ZC3H8: variants seen among roughly 807,000 people sequenced by gnomAD.
The protein encoded by ZC3H8 is zinc finger CCCH domain-containing protein 8.
In ZC3H8, 27 loss-of-function variants were observed where a neutral mutation model predicts 42.5. The observed-to-expected ratio is 0.64, with a 90% CI of 0.47 to 0.88. ZC3H8 has a LOEUF of 0.88. ZC3H8 is among the 40% of genes least tolerant of loss of function. The pLI is 0.00. For synonymous variants in ZC3H8, 101 were observed against 110.1 expected, an observed-to-expected ratio of 0.92 and a Z score of 0.52; for missense variants, 277 against 336.1, an observed-to-expected ratio of 0.82 and a Z score of 1.37.
chr2:112,234,475 T>C (rs1351693708), intron 4 of ZC3H8, among the ~76,000 whole-genome samples: 4 of 152,230 alleles, frequency 2.6e-5, no homozygotes, highest in African/African-American at 9.6e-5. Context: ...TTATGATACA[T>C]TGCCTTTATT....
At chr2:112,245,853 T>C (rs1428084252) in intron 2 of ZC3H8, among the ~76,000 whole-genome samples, 2 of 152,194 alleles carry the variant, frequency 1.3e-5, no homozygotes, top group East Asian at 3.8e-4. Context: ...CTTCAAAGAA[T>C]ACCCTGACTT....
At chr2:112,222,561 CA>C (rs151065603) in intron 8 of ZC3H8, among the ~76,000 whole-genome samples, 1 of 152,282 alleles carries the variant, frequency 6.6e-6, no homozygotes, top group African/African-American at 2.4e-5. Context: ...ATTTCACTTA[CA>C]TGAGATACCT....
At chr2:112,230,153 T>C (rs1235286163) in intron 8 of ZC3H8, among the ~76,000 whole-genome samples, 2 of 152,202 alleles carry the variant, frequency 1.3e-5, no homozygotes, top group African/African-American at 4.8e-5. Flanking sequence ...CTGCACTTCA[T>C]GCAAATTAAG....
chr2:112,230,546 A>G (rs145341103), intron 8 of ZC3H8, among the ~76,000 whole-genome samples: 39 of 152,322 alleles, frequency 2.6e-4, no homozygotes, highest in Non-Finnish European at 4.4e-4. Context: ...ACACGAATGA[A>G]TAATGTTGGG....
chr2:112,223,178 A>G (rs187653181), intron 8 of ZC3H8, among the ~76,000 whole-genome samples: 1 of 152,292 alleles, frequency 6.6e-6, no homozygotes, highest in Admixed American at 6.5e-5. Flanking sequence ...TAACAGGTGC[A>G]GCACACCAAC....
rs997055744 is a variant in ZC3H8 at position 112,214,371 on chromosome 2, A to G, written c.*2113T>C. Reference sequence around the variant, plus strand: ...TTAAAGACGGTCAAGGATAAATTCAATAGAGCCATGATAACCATGCTGGCC... The same window carrying G: ...TTAAAGACGGTCAAGGATAAATTCAGTAGAGCCATGATAACCATGCTGGCC... On this transcript the variant is annotated 3_prime_UTR_variant, in exon 9 of 9. Transcript: ENST00000409573. 1.3e-5 allele frequency: 2 copies of G among 152,176 alleles called. No homozygotes were observed. Among genetic ancestry groups the G allele is most frequent in the African/African-American group, 2.4e-5 (1 of 41,414 alleles). 9.4% of individuals were successfully genotyped at this position (152,176 alleles called of 1,614,324 possible). A position where few individuals can be genotyped will look rare whatever the true frequency, so the allele number is the denominator to read the frequency against.
At chr2:112,254,784 G>T in intron 1 of ZC3H8, 124 bp downstream of exon 1, 1 of 1,147,088 alleles carries the variant, frequency 8.7e-7, no homozygotes, top group Non-Finnish European at 1.2e-6. Context: ...CGGCCCACGT[G>T]CTCCCCACGG....
rs1166711844 is a variant in ZC3H8, at chr2:112,213,775, CAAAAAAAAAAAAAAAAAAA to C, written c.*2690_*2708del. The C allele has an allele frequency of 4.2e-4, 10 of 24,076 alleles. No individual in the cohort carries two copies. The East Asian group carries it at 8.4e-3, about 20-fold the overall frequency. 1.5% of individuals were successfully genotyped at this position (24,076 alleles called of 1,614,324 possible). The stretch of plus-strand genomic sequence containing the variant: ...TGGGCGACAGAGCGAGACTCCGTCT[CAAAAAAAAAAAAAAAAAAA>C]AAAAAAAAAAAAAAAAATTTAGTTC... On this transcript the variant is annotated 3_prime_UTR_variant, in exon 9 of 9. Transcript: ENST00000409573.
At chr2:112,234,961 G>A (rs1003992583) in intron 4 of ZC3H8, among the ~76,000 whole-genome samples, 2 of 152,192 alleles carry the variant, frequency 1.3e-5, no homozygotes, top group South Asian at 2.1e-4. Flanking sequence ...CTGGGTGTGA[G>A]TTGAGCACAC....
intron 8 of ZC3H8, 140 bp downstream of exon 8, chr2:112,230,763 T>TATC: frequency 2.1e-6 from 1 of 486,568 alleles, no homozygotes; most frequent in Non-Finnish European, 3.3e-6. Context: ...TATGTAAATA[T>TATC]ATCAAATATT....
chr2:112,234,500 G>A (rs1428708815), intron 4 of ZC3H8, among the ~76,000 whole-genome samples: 2 of 152,082 alleles, frequency 1.3e-5, no homozygotes, highest in South Asian at 4.1e-4. Context: ...AAAAATGAAT[G>A]AAAAAAATTT....
chr2:112,254,903 A>C lies in ZC3H8; in HGVS notation c.74+5T>G, dbSNP rs1207313617. 2 of 1,613,030 alleles carry C rather than the reference A, an allele frequency of 1.2e-6. No homozygotes were observed. The highest frequency in any genetic ancestry group is 2.2e-5 in the East Asian group (1 of 44,876). ...CATTCAAAAGATGAAAAGATATGGGATCACCTTTCGTCAGAGTCCGTGGCC... is the reference window on the plus strand; with the variant it reads ...CATTCAAAAGATGAAAAGATATGGGCTCACCTTTCGTCAGAGTCCGTGGCC... On this transcript the variant is annotated splice_donor_5th_base_variant and intron_variant, in intron 1 of 8. Coordinates refer to ENST00000409573, the MANE Select transcript of ZC3H8 (RefSeq NM_032494.3).
In ZC3H8 at chr2:112,230,811, T is replaced by C. The variant is rs899037563; in HGVS notation, c.*15+92A>G. ...TTTAGTGGCGGAGGAAGAAGAAAAA[T>C]ACTTCTATTTGAGAACCCTATTGAG... is the stretch of plus-strand genomic sequence containing the variant. On this transcript the variant is annotated intron_variant, in intron 8 of 8. Coordinates refer to ENST00000409573, the MANE Select transcript of ZC3H8 (RefSeq NM_032494.3). 2.2e-5 allele frequency: 17 copies of C among 777,452 alleles called. No homozygotes were observed. In the African/African-American group the frequency reaches 3.0e-4, roughly 14 times the overall value. 48.2% of individuals were successfully genotyped at this position (777,452 alleles called of 1,614,324 possible).
intron 5 of ZC3H8, among the ~76,000 whole-genome samples, chr2:112,233,738 T>C (rs768649998): frequency 6.6e-6 from 1 of 151,982 alleles, no homozygotes; most frequent in Non-Finnish European, 1.5e-5. Flanking sequence ...GTGTGGTGGC[T>C]AGCGTCTGTA....
rs1685172381 is a variant in ZC3H8, at chr2:112,233,304, A to C, written c.689T>G (p.Val230Gly). The C allele has an allele frequency of 6.2e-7, 1 of 1,601,972 alleles. No individual in the cohort carries two copies. The change falls in exon 6 of 9, where the codon GTA becomes GGA. Residue 230 changes from valine (V) to glycine (G), a missense_variant. Physicochemically the swap from Val to Gly is moderately radical, Grantham distance 109. Coordinates refer to ENST00000409573, the MANE Select transcript of ZC3H8 (RefSeq NM_032494.3). ...TTCACCTCTGGTACAATATCCTTGT[A>C]CATAAAACTTACACATTTCCTTTTT... The part of the protein sequence containing the change: ...EKKKEMCKFY[V>G]QGYCTRGENC...
At position 112,213,775 on chromosome 2, in the gene ZC3H8, CAAAAAAAAAAAAAAAA is replaced by C. The variant is rs1166711844; in HGVS notation, c.*2693_*2708del. 39 of 24,080 alleles carry C rather than the reference CAAAAAAAAAAAAAAAA, an allele frequency of 1.6e-3. No individual in the cohort carries two copies. Among genetic ancestry groups the C allele is most frequent in the East Asian group, 5.6e-3 (2 of 356 alleles). 1.5% of individuals were successfully genotyped at this position (24,080 alleles called of 1,614,324 possible). ...TGGGCGACAGAGCGAGACTCCGTCT[CAAAAAAAAAAAAAAAA>C]AAAAAAAAAAAAAAAAAAAATTTAG... On this transcript the variant is annotated 3_prime_UTR_variant, in exon 9 of 9. Transcript: ENST00000409573.
intron 8 of ZC3H8, among the ~76,000 whole-genome samples, chr2:112,221,529 AT>A (rs1448959912): frequency 3.9e-5 from 6 of 152,182 alleles, no homozygotes; most frequent in Non-Finnish European, 7.3e-5. Flanking sequence ...GTATTTCTTT[AT>A]AGCAATGCAT....
At chr2:112,240,348 C>T (rs1685526723) in intron 2 of ZC3H8, 1 of 152,186 alleles carries the variant, frequency 6.6e-6, no homozygotes, top group Non-Finnish European at 1.5e-5. Context: ...TGGCCGACTC[C>T]TGTGATAGAT....
intron 8 of ZC3H8, chr2:112,230,600 G>A (rs1685047009): frequency 5.7e-6 from 1 of 175,526 alleles, no homozygotes. Context: ...GTATGATACA[G>A]TCTGATAAAA....
Sources: gnomAD v4.1 joint callset for allele counts (sites outside exome capture counted in the v4.1 genomes callset) on GRCh38, gnomAD v4.1.1 for gene constraint, MANE v1.5 for transcripts, NCBI Gene and HGNC (gene_info 2026-07-23, HGNC 2026-07-21) for gene names.